The following MCM9 variants were observed in gnomAD, a reference collection of about 807,000 sequenced individuals.
The protein encoded by MCM9 is minichromosome maintenance 9 homologous recombination repair factor, also known as DNA helicase MCM9.
MCM9 carries 55 observed loss-of-function variants against 72.8 expected under a neutral mutation model. The observed-to-expected ratio is 0.76, with a 90% confidence interval of 0.61 to 0.95. The LOEUF (loss-of-function observed/expected upper bound fraction) is 0.95. MCM9 is among the 40% of genes least tolerant of loss of function. MCM9 has a pLI of 0.00. For missense variants in MCM9, 1,279 were observed against 1,377.0 expected (o/e 0.93, Z 1.13); for synonymous variants, 480 against 503.4 (o/e 0.95, Z 0.62).
chr6:118,843,042 T>C (rs1426138921), intron 9 of MCM9, among the ~76,000 whole-genome samples: 1 of 152,218 alleles, frequency 6.6e-6, no homozygotes, highest in African/African-American at 2.4e-5. Context: ...TCACATTTAG[T>C]AGGCTCTAGG....
chr6:118,933,029 G>C (rs1368422075), intron 1 of MCM9, among the ~76,000 whole-genome samples: 1 of 152,146 alleles, frequency 6.6e-6, no homozygotes, highest in African/African-American at 2.4e-5. Flanking sequence ...GAAAAGTATA[G>C]TAAAAGGTTC....
chr6:118,865,428 C>T (rs1176033884), intron 8 of MCM9, among the ~76,000 whole-genome samples: 1 of 152,140 alleles, frequency 6.6e-6, no homozygotes, highest in Non-Finnish European at 1.5e-5. Context: ...TGTGAGTCTC[C>T]TTAGATCACA....
At chr6:118,846,818 G>C (rs968036524) in intron 9 of MCM9, among the ~76,000 whole-genome samples, 2 of 151,710 alleles carry the variant, frequency 1.3e-5, no homozygotes, top group Admixed American at 1.3e-4. Flanking sequence ...CACCTTAATA[G>C]AATACCTACT....
rs1781680495 is a variant in MCM9, at chr6:118,924,195, T to C, written c.305-68A>G. Reference sequence around the variant, plus strand: ...GATTTGACTCCAAGGGATATATTCTTCTCCTATTTCCTGAAAGATAAATTT... The same window carrying C: ...GATTTGACTCCAAGGGATATATTCTCCTCCTATTTCCTGAAAGATAAATTT... On this transcript the variant is annotated intron_variant, in intron 3 of 13. Transcript: ENST00000619706. 17 of 1,342,716 alleles carry C rather than the reference T, an allele frequency of 1.3e-5. No individual in the cohort carries two copies. The South Asian group carries it at 2.1e-4, about 16-fold the overall frequency. 83.2% of individuals were successfully genotyped at this position (1,342,716 alleles called of 1,614,324 possible).
chr6:118,877,411 TGAAAGA>T (rs1175289626), intron 8 of MCM9, among the ~76,000 whole-genome samples: 1 of 152,132 alleles, frequency 6.6e-6, no homozygotes, highest in Admixed American at 6.5e-5. Context: ...AGGTATTTCA[TGAAAGA>T]GAAAGTCAAT....
chr6:118,834,377 G>C (rs529416192), intron 9 of MCM9, among the ~76,000 whole-genome samples: 1 of 152,180 alleles, frequency 6.6e-6, no homozygotes, highest in Non-Finnish European at 1.5e-5. Context: ...TGTATACCCA[G>C]TAATGGGATT....
intron 8 of MCM9, chr6:118,910,654 A>G (rs1373570375): frequency 1.0e-6 from 1 of 985,246 alleles, no homozygotes; most frequent in Non-Finnish European, 1.2e-6. Context: ...ACTCTAGAAC[A>G]CTGGGTCATA....
At chr6:118,819,144 T>TTGC (rs1223791151) in intron 13 of MCM9, among the ~76,000 whole-genome samples, 11 of 152,336 alleles carry the variant, frequency 7.2e-5, no homozygotes, top group African/African-American at 2.6e-4. Context: ...TGGCCAGAAC[T>TTGC]TCCAATACTA....
intron 9 of MCM9, among the ~76,000 whole-genome samples, chr6:118,839,700 G>A (rs576917955): frequency 2.0e-4 from 30 of 152,248 alleles, no homozygotes; most frequent in African/African-American, 5.8e-4. Flanking sequence ...GTCTGCTGGC[G>A]TTTGCTGGAG....
intron 9 of MCM9, among the ~76,000 whole-genome samples, chr6:118,842,353 C>T (rs1168202620): frequency 6.6e-6 from 1 of 152,162 alleles, no homozygotes; most frequent in East Asian, 1.9e-4. Flanking sequence ...AATAATGAAA[C>T]ATTATCTTTC....
At chr6:118,894,556 T>C (rs545813114) in intron 8 of MCM9, 1 of 1,498,996 alleles carries the variant, frequency 6.7e-7, no homozygotes, top group Non-Finnish European at 9.0e-7. Context: ...GGGCTGTCAG[T>C]TGCGGGCTGC....
At chr6:118,922,748 G>C (rs866941778) in intron 4 of MCM9, among the ~76,000 whole-genome samples, 1 of 152,092 alleles carries the variant, frequency 6.6e-6, no homozygotes, top group East Asian at 1.9e-4. Context: ...AAGAATGGTT[G>C]AGGCCGGGTG....
intron 13 of MCM9, among the ~76,000 whole-genome samples, chr6:118,818,520 T>C (rs1405402371): frequency 6.6e-6 from 1 of 152,220 alleles, no homozygotes; most frequent in Non-Finnish European, 1.5e-5. Context: ...CATGCTGTTT[T>C]GGTTACTGTA....
Position 118,856,557 on chromosome 6 carries a change from A to C in MCM9, c.1151-12T>G. The C allele has an allele frequency of 6.5e-7, 1 of 1,535,204 alleles. No individual in the cohort carries two copies. Among genetic ancestry groups the C allele is most frequent in the Non-Finnish European group, 8.7e-7 (1 of 1,146,698 alleles). ...AGTTACCGTCAGACCTGAGGAAACAAGCAAGCCATATCAACTTTTATTTTC... is the reference window on the plus strand; with the variant it reads ...AGTTACCGTCAGACCTGAGGAAACACGCAAGCCATATCAACTTTTATTTTC... On this transcript the variant is annotated splice_polypyrimidine_tract_variant and intron_variant, in intron 8 of 13. Transcript: ENST00000619706.
chr6:118,817,993 T>C (rs996713769), intron 13 of MCM9, among the ~76,000 whole-genome samples: 10 of 151,878 alleles, frequency 6.6e-5, no homozygotes, highest in Non-Finnish European at 1.2e-4. Flanking sequence ...TTTTCTTGTA[T>C]ATTTTTTTAA....
intron 8 of MCM9, among the ~76,000 whole-genome samples, chr6:118,867,869 TTTTC>T (rs1173334584): frequency 3.1e-4 from 21 of 68,228 alleles, no homozygotes; most frequent in African/African-American, 7.9e-4. Flanking sequence ...TATATTTCTT[TTTTC>T]TTTTTCTTTT....
chr6:118,857,877 C>A (rs995275841), intron 8 of MCM9, among the ~76,000 whole-genome samples: 1 of 152,076 alleles, frequency 6.6e-6, no homozygotes, highest in Non-Finnish European at 1.5e-5. Context: ...AACCTTCCAA[C>A]ACAGAAATCT....
Position 118,843,700 on chromosome 6 carries a change from A to ATG in MCM9, c.1325+12670_1325+12671insCA, listed in dbSNP as rs1257467799. ...TATATATATATGTGTATATATATATATATGTATGTATATATATATGTATAT... is the reference window on the plus strand; with the variant it reads ...TATATATATATGTGTATATATATATATGTATGTATGTATATATATATGTATAT... On this transcript the variant is annotated intron_variant, in intron 9 of 13. Coordinates refer to ENST00000619706, the MANE Select transcript of MCM9 (RefSeq NM_017696.3). Among the ~76,000 whole-genome samples the ATG allele has an allele frequency of 4.2e-4, 27 of 64,504 alleles. 1 individual carries two copies. Among genetic ancestry groups the ATG allele is most frequent in the African/African-American group, 1.6e-3 (26 of 16,342 alleles). The allele number at this position is 64,504 out of a possible 152,430, so 42.3% of individuals were successfully genotyped here.
intron 7 of MCM9, chr6:118,912,220 T>C (rs1350218383): frequency 6.6e-6 from 1 of 152,508 alleles, no homozygotes; most frequent in Non-Finnish European, 1.5e-5. Flanking sequence ...CTACTATGAT[T>C]AAATCCTTGC....
Sources: gnomAD v4.1 joint callset for allele counts (sites outside exome capture counted in the v4.1 genomes callset) on GRCh38, gnomAD v4.1.1 for gene constraint, MANE v1.5 for transcripts, NCBI Gene and HGNC (gene_info 2026-07-23, HGNC 2026-07-21) for gene names.